DOCK2: variants seen among roughly 807,000 people sequenced by gnomAD.
DOCK2 encodes the protein dedicator of cytokinesis 2, also known as dedicator of cytokinesis protein 2.
Under a neutral mutation model 248.9 loss-of-function variants are expected in DOCK2, and 87 were observed. That is an observed-to-expected ratio of 0.35 (90% CI 0.29 to 0.42). The LOEUF (loss-of-function observed/expected upper bound fraction) is 0.42, where lower values mean the gene tolerates loss of function less well. DOCK2 is among the 10% of genes least tolerant of loss of function. The probability of loss-of-function intolerance (pLI) is 1.00; values close to 1 mark genes in which losing one functional copy is unlikely to be tolerated. For synonymous variants in DOCK2, 805 were observed against 821.6 expected, an observed-to-expected ratio of 0.98 and a Z score of 0.35; for missense variants, 1,747 against 2,300.2, an observed-to-expected ratio of 0.76 and a Z score of 4.92.
intron 32 of DOCK2, among the ~76,000 whole-genome samples, chr5:170,015,425 G>C (rs1755484615): frequency 6.6e-6 from 1 of 152,186 alleles, no homozygotes; most frequent in South Asian, 2.1e-4. Context: ...GCTGAGGCTG[G>C]GCAAGTCCTG....
intron 27 of DOCK2, among the ~76,000 whole-genome samples, chr5:169,861,623 T>C (rs147659441): frequency 2.6e-5 from 4 of 152,216 alleles, no homozygotes; most frequent in African/African-American, 9.6e-5. Flanking sequence ...AATATCATGG[T>C]AGATGTTACG....
At chr5:170,036,921 T>C (rs17072001) in intron 36 of DOCK2, among the ~76,000 whole-genome samples, 11,550 of 152,186 alleles carry the variant, frequency 0.076, 1,114 homozygotes, top group African/African-American at 0.23. Context: ...GACCATTGAC[T>C]AGCCCAGTTT....
chr5:169,669,388 C>G (rs921664178), intron 3 of DOCK2, 60 bp downstream of exon 3: 102 of 1,575,096 alleles, frequency 6.5e-5, no homozygotes, highest in Middle Eastern at 1.7e-4. Flanking sequence ...GCCCCGCTAT[C>G]CCATCTGAGC....
At chr5:169,652,636 G>A (rs935799746) in intron 1 of DOCK2, among the ~76,000 whole-genome samples, 4 of 152,248 alleles carry the variant, frequency 2.6e-5, no homozygotes, top group African/African-American at 9.6e-5. Context: ...AGATCACACA[G>A]TAGTGAGTGG....
At chr5:169,960,349 C>T (rs1256841727) in intron 27 of DOCK2, among the ~76,000 whole-genome samples, 3 of 152,100 alleles carry the variant, frequency 2.0e-5, no homozygotes, top group Non-Finnish European at 4.4e-5. Context: ...ATTTATGGTG[C>T]CTGAAAGGTG....
chr5:169,902,026 T>G (rs1236530792), intron 27 of DOCK2, among the ~76,000 whole-genome samples: 1 of 152,054 alleles, frequency 6.6e-6, no homozygotes, highest in Non-Finnish European at 1.5e-5. Flanking sequence ...AGATGCCCAA[T>G]CAGTCAAACG....
chr5:169,973,252 T>C (rs1429035542), intron 27 of DOCK2, among the ~76,000 whole-genome samples: 2 of 152,156 alleles, frequency 1.3e-5, no homozygotes, highest in Non-Finnish European at 2.9e-5. Context: ...GAAGAAACTA[T>C]AAATCCTCAC....
chr5:169,919,699 C>T (rs1775067018), intron 27 of DOCK2, among the ~76,000 whole-genome samples: 1 of 152,136 alleles, frequency 6.6e-6, no homozygotes, highest in African/African-American at 2.4e-5. Flanking sequence ...GTAAGCAGTG[C>T]ACTCATGGCC....
intron 22 of DOCK2, among the ~76,000 whole-genome samples, chr5:169,736,053 G>C (rs1415358264): frequency 1.3e-5 from 2 of 152,100 alleles, no homozygotes; most frequent in Admixed American, 1.3e-4. Flanking sequence ...CTCACTCACT[G>C]TCATGAGAAC....
intron 2 of DOCK2, among the ~76,000 whole-genome samples, chr5:169,658,080 A>G (rs532721554): frequency 1.3e-5 from 2 of 152,358 alleles, no homozygotes; most frequent in South Asian, 2.1e-4. Context: ...AATGCTTTTC[A>G]TAACAATTTT....
chr5:170,081,794 C>T, intron 50 of DOCK2, 48 bp from the exon 51 acceptor site: 1 of 1,528,200 alleles, frequency 6.5e-7, no homozygotes, highest in Non-Finnish European at 8.8e-7. Flanking sequence ...CAAGGCACTG[C>T]CCCTCCTCTA....
chr5:169,917,715 A>C (rs1223945064), intron 27 of DOCK2, among the ~76,000 whole-genome samples: 1 of 152,204 alleles, frequency 6.6e-6, no homozygotes, highest in Non-Finnish European at 1.5e-5. Flanking sequence ...TCCACAGGGA[A>C]GATAATTGAA....
rs909575728 is a variant in DOCK2 at position 169,881,559 on chromosome 5, G to A, written c.2799+40707G>A. 3.7e-5 allele frequency: 27 copies of A among 733,048 alleles called. No individual in the cohort carries two copies. In the East Asian group the frequency reaches 7.4e-4, roughly 20 times the overall value. 45.4% of individuals were successfully genotyped at this position (733,048 alleles called of 1,614,324 possible). A position where few individuals can be genotyped will look rare whatever the true frequency, so the allele number is the denominator to read the frequency against. On this transcript the variant is annotated intron_variant, in intron 27 of 51. Coordinates refer to ENST00000520908, the MANE Select transcript of DOCK2 (RefSeq NM_004946.3). ...ACAGCATTCACGGTGCTCTGAAGTT[G>A]CACGGCCATTACAAATAAGGAAACA... is the stretch of plus-strand genomic sequence containing the variant.
intron 27 of DOCK2, among the ~76,000 whole-genome samples, chr5:169,863,805 C>T (rs1771358702): frequency 6.6e-6 from 1 of 152,170 alleles, no homozygotes; most frequent in African/African-American, 2.4e-5. Context: ...TAGAAAACTG[C>T]CAGTTTATCT....
intron 27 of DOCK2, among the ~76,000 whole-genome samples, chr5:169,887,285 C>A (rs1474721048): frequency 6.6e-6 from 1 of 152,138 alleles, no homozygotes; most frequent in Non-Finnish European, 1.5e-5. Flanking sequence ...TTCTTTTGAT[C>A]TTTAAAAGCA....
chr5:169,707,742 C>T (rs989590961), intron 14 of DOCK2, among the ~76,000 whole-genome samples: 19 of 152,334 alleles, frequency 1.2e-4, no homozygotes, highest in East Asian at 7.7e-4. Flanking sequence ...ACCGCCCTGA[C>T]GTGTTAGCTG....
At chr5:169,918,002 C>T (rs544669915) in intron 27 of DOCK2, among the ~76,000 whole-genome samples, 1 of 152,288 alleles carries the variant, frequency 6.6e-6, no homozygotes, top group Non-Finnish European at 1.5e-5. Context: ...TTACAGAATT[C>T]TGCCTTTCAG....
chr5:169,708,845 A>G (rs1000249931), intron 15 of DOCK2, among the ~76,000 whole-genome samples: 2 of 152,172 alleles, frequency 1.3e-5, no homozygotes, highest in Non-Finnish European at 2.9e-5. Context: ...GATTATGGGC[A>G]TGAGCCACCA....
At chr5:170,051,610 G>C (rs995355672) in intron 41 of DOCK2, among the ~76,000 whole-genome samples, 3 of 152,130 alleles carry the variant, frequency 2.0e-5, no homozygotes, top group Non-Finnish European at 2.9e-5. Context: ...TGGAAAATCT[G>C]TCTCAATTTG....
Sources: gnomAD v4.1 joint callset for allele counts (sites outside exome capture counted in the v4.1 genomes callset) on GRCh38, gnomAD v4.1.1 for gene constraint, MANE v1.5 for transcripts, NCBI Gene and HGNC (gene_info 2026-07-23, HGNC 2026-07-21) for gene names.